Variants in ROCK1 observed in about 807,000 individuals in gnomAD.
ROCK1 encodes the protein rho-associated protein kinase 1.
In ROCK1, 36 loss-of-function variants were observed where a neutral mutation model predicts 196.8. That is an observed-to-expected ratio of 0.18 (90% CI 0.14 to 0.24). ROCK1 has a LOEUF of 0.24. ROCK1 is among the 10% of genes least tolerant of loss of function. ROCK1 has a pLI of 1.00. For missense variants in ROCK1, 920 were observed against 1,562.0 expected (o/e 0.59, Z 6.93); for synonymous variants, 443 against 515.9 (o/e 0.86, Z 1.91).
chr18:21,031,722 C>T (rs1363770827), intron 9 of ROCK1, among the ~76,000 whole-genome samples: 1 of 149,396 alleles, frequency 6.7e-6, no homozygotes, highest in Non-Finnish European at 1.5e-5. Flanking sequence ...AGCAAATGAA[C>T]ACTATGGATG....
At chr18:21,004,396 C>A (rs2035751713) in intron 16 of ROCK1, among the ~76,000 whole-genome samples, 2 of 151,904 alleles carry the variant, frequency 1.3e-5, no homozygotes, top group Non-Finnish European at 2.9e-5. Flanking sequence ...TTTTAAAAAC[C>A]CACAATGCAC....
chr18:21,028,802 T>C lies in ROCK1; in HGVS notation c.1185A>G (p.Val395=). The C allele has an allele frequency of 6.2e-7, 1 of 1,612,412 alleles. No homozygotes were observed. The highest frequency in any genetic ancestry group is 8.5e-7 in the Non-Finnish European group (1 of 1,179,506). ...KAFVGNQLPF[V]GFTYYSNRRY... ...TACGATTGCTATAATATGTAAATCC[T>C]ACAAAAGGTAGTTGATTGCCAACGA... Residue 395 remains valine (V), a synonymous_variant, in exon 10 of 33, where the codon GTA becomes GTG. Coordinates refer to ENST00000399799, the MANE Select transcript of ROCK1 (RefSeq NM_005406.3).
intron 9 of ROCK1, among the ~76,000 whole-genome samples, chr18:21,031,604 C>CAAAAAAA (rs781463990): frequency 3.9e-5 from 2 of 51,872 alleles, no homozygotes; most frequent in East Asian, 6.2e-4. Context: ...GACTCCATCT[C>CAAAAAAA]AAAAAAAAAA....
intron 14 of ROCK1, among the ~76,000 whole-genome samples, 153 bp downstream of exon 14, chr18:21,007,906 A>C (rs115396386): frequency 7.9e-5 from 12 of 152,238 alleles, no homozygotes; most frequent in Middle Eastern, 3.4e-3. Flanking sequence ...TTACTATTTA[A>C]TATGTTATAA....
At chr18:21,026,681 C>G (rs2035960438) in intron 10 of ROCK1, among the ~76,000 whole-genome samples, 1 of 151,902 alleles carries the variant, frequency 6.6e-6, no homozygotes, top group Non-Finnish European at 1.5e-5. Context: ...TTTTTGTTTT[C>G]TAAGATTAAC....
Position 21,008,084 on chromosome 18 carries a change from C to A in ROCK1, c.1521G>T (p.Glu507Asp), listed in dbSNP as rs1398344936. ...CTTCATTTTCTACATTTCTTCTCTT[C>A]TCATTTTCCTGTTCAGCTTTTCTTT... ...EYQRKAEQEN[E>D]KRRNVENEVS... Residue 507 changes from glutamate to aspartate, a missense_variant, in exon 14 of 33, where the codon GAG becomes GAT. This residue lies in a region of ROCK1 where 520 missense variants were observed against 657.1 expected (regional missense o/e 0.79). Coordinates refer to ENST00000399799, the MANE Select transcript of ROCK1 (RefSeq NM_005406.3). 1 of 1,595,886 alleles carries A rather than the reference C, an allele frequency of 6.3e-7. No individual in the cohort carries two copies. Among genetic ancestry groups the A allele is most frequent in the Admixed American group, 1.8e-5 (1 of 56,180 alleles).
rs117131602 is a variant in ROCK1, at chr18:20,963,282, G to A, written c.3353-3076C>T. 1.2e-3 allele frequency among the ~76,000 whole-genome samples: 182 copies of A among 152,034 alleles called. 6 individuals are homozygous for A. In the East Asian group the frequency reaches 0.032, roughly 27 times the overall value. ...TCTAACTACATGTACATCAATACTC[G>A]ATATAGCCAATTCAAACATCAGAGC... On this transcript the variant is annotated intron_variant, in intron 27 of 32. Coordinates refer to ENST00000399799, the MANE Select transcript of ROCK1 (RefSeq NM_005406.3).
chr18:21,026,445 GAAAAAAAAAA>G (rs747563785), intron 10 of ROCK1, among the ~76,000 whole-genome samples: 29 of 35,308 alleles, frequency 8.2e-4, no homozygotes, highest in Non-Finnish European at 1.3e-3. Flanking sequence ...ACTCTGTCTC[GAAAAAAAAAA>G]AAAAAAAAAA....
At chr18:21,040,518 A>G (rs779352035) in intron 8 of ROCK1, among the ~76,000 whole-genome samples, 1 of 152,192 alleles carries the variant, frequency 6.6e-6, no homozygotes, top group Non-Finnish European at 1.5e-5. Context: ...TCCCTAGTAC[A>G]GTGCTTATAA....
intron 16 of ROCK1, among the ~76,000 whole-genome samples, chr18:21,000,067 C>G (rs1466763775): frequency 1.3e-5 from 2 of 152,160 alleles, no homozygotes; most frequent in South Asian, 4.1e-4. Context: ...GCAAAGAACC[C>G]TGAATACGTA....
intron 2 of ROCK1, among the ~76,000 whole-genome samples, chr18:21,058,566 A>G (rs1409075801): frequency 6.6e-6 from 1 of 152,156 alleles, no homozygotes; most frequent in African/African-American, 2.4e-5. Context: ...AAAAATTCAC[A>G]AGAATGTTAT....
chr18:21,071,686 A>C (rs58505943), intron 1 of ROCK1, among the ~76,000 whole-genome samples: 1,559 of 152,292 alleles, frequency 0.01, 32 homozygotes, highest in African/African-American at 0.035. Flanking sequence ...ATTGAATAGC[A>C]CTATGGAAAA....
chr18:21,103,450 A>T (rs975509095), intron 1 of ROCK1, among the ~76,000 whole-genome samples: 2 of 151,714 alleles, frequency 1.3e-5, no homozygotes, highest in Non-Finnish European at 2.9e-5. Flanking sequence ...TTGTTTAATA[A>T]ATTTTATTTT....
intron 9 of ROCK1, among the ~76,000 whole-genome samples, chr18:21,031,133 C>A (rs1280583748): frequency 6.6e-6 from 1 of 151,890 alleles, no homozygotes; most frequent in Non-Finnish European, 1.5e-5. Flanking sequence ...CAAGCAACAA[C>A]CGCAAGCCCT....
chr18:21,049,261 T>C, intron 3 of ROCK1, 32 bp from the exon 4 acceptor site: 1 of 1,478,084 alleles, frequency 6.8e-7, no homozygotes, highest in Non-Finnish European at 9.1e-7. Context: ...ATAATGAACC[T>C]TTTGTTAACA....
intron 1 of ROCK1, among the ~76,000 whole-genome samples, chr18:21,074,154 T>C (rs549538426): frequency 3.3e-5 from 5 of 152,158 alleles, no homozygotes; most frequent in Admixed American, 3.3e-4. Flanking sequence ...TGGGACCCTG[T>C]CTCTAAAAAT....
At chr18:21,099,397 G>A (rs548426660) in intron 1 of ROCK1, among the ~76,000 whole-genome samples, 7 of 152,248 alleles carry the variant, frequency 4.6e-5, no homozygotes, top group Non-Finnish European at 7.4e-5. Flanking sequence ...GTAGAGAGAC[G>A]TGGATCAAAG....
intron 1 of ROCK1, among the ~76,000 whole-genome samples, chr18:21,105,926 A>G (rs538426752): frequency 1.3e-5 from 2 of 152,238 alleles, no homozygotes; most frequent in African/African-American, 4.8e-5. Context: ...GAAAAAAAGA[A>G]GAATGAAAAG....
At chr18:21,103,464 A>G (rs551354854) in intron 1 of ROCK1, among the ~76,000 whole-genome samples, 6 of 146,804 alleles carry the variant, frequency 4.1e-5, no homozygotes, top group African/African-American at 1.5e-4. Context: ...TTATTTTATT[A>G]TTTTTTTTTT....
Sources: allele counts gnomAD v4.1 joint callset (sites outside exome capture counted in the v4.1 genomes callset), GRCh38; gene constraint gnomAD v4.1.1; regional missense constraint gnomAD v4.1.1; transcripts MANE v1.5; gene names NCBI Gene and HGNC (gene_info 2026-07-23, HGNC 2026-07-21).